The following C8A variants were observed in gnomAD, a reference collection of about 807,000 sequenced individuals.
C8A encodes the protein complement component C8 alpha chain.
C8A carries 67 observed loss-of-function variants against 65.3 expected under a neutral mutation model. The observed-to-expected ratio is 1.03, with a 90% confidence interval of 0.84 to 1.26. C8A has a LOEUF of 1.26. Ranked by LOEUF, C8A falls within the 50% of genes most tolerant of loss-of-function variation. The pLI is 0.00. For missense variants in C8A, 781 were observed against 723.9 expected, an observed-to-expected ratio of 1.08 and a Z score of -0.90; for synonymous variants, 290 against 259.4, an observed-to-expected ratio of 1.12 and a Z score of -1.13.
chr1:56,880,665 G>GT (rs35571110), intron 4 of C8A, among the ~76,000 whole-genome samples: 7 of 151,588 alleles, frequency 4.6e-5, no homozygotes, highest in East Asian at 1.9e-4. Context: ...ATATTTCAAA[G>GT]TTTTTTTTTG....
At chr1:56,915,757 T>G (rs1774891) in intron 10 of C8A, among the ~76,000 whole-genome samples, 5,679 of 152,168 alleles carry the variant, frequency 0.037, 194 homozygotes, top group South Asian at 0.11. Flanking sequence ...AGCTGGGGAA[T>G]GAAAGAGACA....
At chr1:56,891,038 C>T (rs1290243408) in intron 7 of C8A, among the ~76,000 whole-genome samples, 1 of 151,860 alleles carries the variant, frequency 6.6e-6, no homozygotes, top group Non-Finnish European at 1.5e-5. Context: ...AATATATAAT[C>T]GCGAATTGTG....
intron 7 of C8A, among the ~76,000 whole-genome samples, chr1:56,894,899 C>A (rs1644376514): frequency 6.6e-6 from 1 of 152,036 alleles, no homozygotes; most frequent in Non-Finnish European, 1.5e-5. Context: ...TGGTTACCAC[C>A]CAAAGTGAAC....
chr1:56,872,447 C>G (rs930943693), intron 2 of C8A, among the ~76,000 whole-genome samples: 1 of 151,636 alleles, frequency 6.6e-6, no homozygotes, highest in Non-Finnish European at 1.5e-5. Flanking sequence ...AGGAAAAATA[C>G]AGAAAAAAAT....
chr1:56,912,732 C>T lies in C8A; in HGVS notation c.1603+107C>T, dbSNP rs1402599602. On this transcript the variant is annotated intron_variant, in intron 10 of 10. Coordinates refer to ENST00000361249, the MANE Select transcript of C8A (RefSeq NM_000562.3). The stretch of plus-strand genomic sequence containing the variant: ...GCCCCTCCTTTTGGAGCTCTCCTAG[C>T]CAATACCTAGGAGCCACCCTTGAGA... 4 of 977,056 alleles carry T rather than the reference C, an allele frequency of 4.1e-6. No individual in the cohort carries two copies. The East Asian group carries it at 1.0e-4, about 25-fold the overall frequency. 60.5% of individuals were successfully genotyped at this position (977,056 alleles called of 1,614,324 possible).
chr1:56,907,805 T>C, intron 8 of C8A, 151 bp from the exon 9 acceptor site: 1 of 915,998 alleles, frequency 1.1e-6, no homozygotes, highest in East Asian at 2.6e-5. Context: ...CCTTCTGCCT[T>C]GTCCTGCTAG....
chr1:56,887,984 G>A (rs188708324), intron 7 of C8A, among the ~76,000 whole-genome samples: 62 of 152,224 alleles, frequency 4.1e-4, no homozygotes, highest in African/African-American at 1.4e-3. Context: ...GGCCTGTCGG[G>A]GATGGGGGGC....
chr1:56,913,361 G>A (rs922743813), intron 10 of C8A, among the ~76,000 whole-genome samples: 3 of 152,332 alleles, frequency 2.0e-5, no homozygotes, highest in East Asian at 1.9e-4. Flanking sequence ...TCATTATAGT[G>A]TAAGAAGTTA....
At position 56,874,752 on chromosome 1, in the gene C8A, C is replaced by T. The variant is rs530510773; in HGVS notation, c.172-197C>T. Among the ~76,000 whole-genome samples the T allele has an allele frequency of 7.9e-5, 12 of 152,336 alleles. No individual in the cohort carries two copies. In the Middle Eastern group the frequency reaches 0.014, roughly 173 times the overall value. ...TTTGATGCTTGGAGGCCCTATTCAA[C>T]GTTCCAATCAGTGATTGTGCCACTT... On this transcript the variant is annotated intron_variant, in intron 2 of 10. Coordinates refer to ENST00000361249, the MANE Select transcript of C8A (RefSeq NM_000562.3).
rs764932916 is a variant in C8A, at chr1:56,917,671, A to AG, written c.1714dup (p.Ala572GlyfsTer36). On this transcript the variant is annotated frameshift_variant, in exon 11 of 11. Transcript: ENST00000361249. LOFTEE classifies it high-confidence loss of function. Reference sequence around the variant, plus strand: ...GTGACAATCCAGCACCTCAGAATGGAGGGGCCTCGTGTCCAGGGCGGAAAG... The same window carrying AG: ...GTGACAATCCAGCACCTCAGAATGGAGGGGGCCTCGTGTCCAGGGCGGAAAG... 6 of 1,614,068 alleles carry AG rather than the reference A, an allele frequency of 3.7e-6. No homozygotes were observed. The South Asian group carries it at 6.6e-5, about 18-fold the overall frequency.
chr1:56,885,810 A>C, intron 6 of C8A, 117 bp from the exon 7 acceptor site: 1 of 1,430,014 alleles, frequency 7.0e-7, no homozygotes, highest in Non-Finnish European at 9.7e-7. Flanking sequence ...TCTGCCTCCC[A>C]AAATGCTGGG....
At position 56,888,147 on chromosome 1, in the gene C8A, T is replaced by C. The variant is rs945107185; in HGVS notation, c.1096+1980T>C. Among the ~76,000 whole-genome samples, 35 of 152,218 alleles carry C rather than the reference T, an allele frequency of 2.3e-4. No homozygotes were observed. The Middle Eastern group carries it at 0.01, about 44-fold the overall frequency. On this transcript the variant is annotated intron_variant, in intron 7 of 10. Transcript: ENST00000361249. ...AAAGTATATAAAAAAAATTTCCAAA[T>C]GTTAGTATTATCTTCCTTATCCAGA...
chr1:56,865,036 A>C (rs1206494446), intron 1 of C8A, among the ~76,000 whole-genome samples: 2 of 152,212 alleles, frequency 1.3e-5, no homozygotes, highest in Admixed American at 1.3e-4. Flanking sequence ...TTTAAGTTTT[A>C]CTTAAGAAAG....
intron 2 of C8A, among the ~76,000 whole-genome samples, chr1:56,873,423 C>T (rs756570012): frequency 1.8e-4 from 27 of 152,156 alleles, no homozygotes; most frequent in Non-Finnish European, 2.5e-4. Flanking sequence ...GTGGCTTGCT[C>T]ATGGGCAGTT....
chr1:56,854,991 T>C lies in C8A; in HGVS notation c.77+13T>C. On this transcript the variant is annotated intron_variant, in intron 1 of 10. Coordinates refer to ENST00000361249, the MANE Select transcript of C8A (RefSeq NM_000562.3). ...AGAAGGTGAACCAGTAAGTGGGCCATATGTCTCTGCAAAACTTGCACGTAG... is the reference window on the plus strand; with the variant it reads ...AGAAGGTGAACCAGTAAGTGGGCCACATGTCTCTGCAAAACTTGCACGTAG... The C allele has an allele frequency of 1.2e-6, 2 of 1,606,524 alleles. No homozygotes were observed. Among genetic ancestry groups the C allele is most frequent in the Non-Finnish European group, 1.7e-6 (2 of 1,173,404 alleles).
chr1:56,857,616 C>G (rs1643991000), intron 1 of C8A, among the ~76,000 whole-genome samples: 1 of 152,018 alleles, frequency 6.6e-6, no homozygotes, highest in African/African-American at 2.4e-5. Flanking sequence ...AATTAGACCA[C>G]TTATATCAAA....
At chr1:56,867,304 C>T (rs1644100161) in intron 1 of C8A, among the ~76,000 whole-genome samples, 1 of 152,146 alleles carries the variant, frequency 6.6e-6, no homozygotes, top group Admixed American at 6.6e-5. Flanking sequence ...TTCTTAACCA[C>T]TGAGCTTTCT....
intron 1 of C8A, 105 bp downstream of exon 1, chr1:56,855,083 AACCTCTTTTCATGTT>A: frequency 1.1e-6 from 1 of 887,934 alleles, no homozygotes; most frequent in Non-Finnish European, 1.9e-6. Flanking sequence ...AATGGAAAAT[AACCTCTTTTCATGTT>A]ATTACTACTC....
intron 7 of C8A, among the ~76,000 whole-genome samples, chr1:56,898,351 C>A (rs769421029): frequency 1.3e-5 from 2 of 152,116 alleles, no homozygotes; most frequent in African/African-American, 2.4e-5. Context: ...GCCTCTGCGT[C>A]TGGAAAAGAA....
Sources: allele counts gnomAD v4.1 joint callset (sites outside exome capture counted in the v4.1 genomes callset), GRCh38; gene constraint gnomAD v4.1.1; transcripts MANE v1.5; gene names NCBI Gene and HGNC (gene_info 2026-07-23, HGNC 2026-07-21).